Variants in FBXO11 observed in about 807,000 individuals in gnomAD.
The protein encoded by FBXO11 is F-box only protein 11.
FBXO11 carries 13 observed loss-of-function variants against 117.0 expected under a neutral mutation model. The observed-to-expected ratio is 0.11, with a 90% CI of 0.07 to 0.18. The LOEUF is 0.18. FBXO11 is among the 10% of genes least tolerant of loss of function. The probability of loss-of-function intolerance (pLI) is 1.00; values close to 1 mark genes in which losing one functional copy is unlikely to be tolerated. For missense variants in FBXO11, 767 were observed against 1,164.4 expected (o/e 0.66, Z 4.97); for synonymous variants, 490 against 380.5 (o/e 1.29, Z -3.35).
In FBXO11 at chr2:47,835,878, C is replaced by T. The variant is rs762417516; in HGVS notation, c.711G>A (p.Gln237=). 5 of 1,599,218 alleles carry T rather than the reference C, an allele frequency of 3.1e-6. No individual in the cohort carries two copies. The highest frequency in any genetic ancestry group is 2.2e-5 in the East Asian group (1 of 44,730). The change falls in exon 5 of 23, where the codon CAG becomes CAA. Residue 237 remains glutamine (Q), a synonymous_variant. Transcript: ENST00000403359. The part of the protein sequence containing the change: ...EHPNPWKESF[Q]QLYKGAHVKP... ...TTCTATTTATATTTCATACCAACTG[C>T]TGGAAACTCTCTTTCCAGGGATTTG...
intron 1 of FBXO11, among the ~76,000 whole-genome samples, chr2:47,841,020 A>C (rs888720064): frequency 2.0e-5 from 3 of 151,966 alleles, no homozygotes; most frequent in African/African-American, 7.3e-5. Context: ...AACACAGTGA[A>C]ACCCCATCTC....
chr2:47,833,555 A>G (rs896627017), intron 7 of FBXO11, among the ~76,000 whole-genome samples: 31 of 152,214 alleles, frequency 2.0e-4, no homozygotes, highest in Non-Finnish European at 1.0e-4. Flanking sequence ...TCACTAGCAA[A>G]TAATAATTAC....
intron 1 of FBXO11, among the ~76,000 whole-genome samples, chr2:47,862,762 A>G (rs1674874136): frequency 6.6e-6 from 1 of 152,186 alleles, no homozygotes; most frequent in African/African-American, 2.4e-5. Flanking sequence ...AGCAGCTTCA[A>G]AAACGTTTTC....
rs13018038 is a variant in FBXO11 at position 47,884,240 on chromosome 2, T to C, written c.232+21249A>G. On this transcript the variant is annotated intron_variant, in intron 1 of 22. Coordinates refer to ENST00000403359, the MANE Select transcript of FBXO11 (RefSeq NM_001190274.2). ...TCTCAAGAAATAAATAAATAAAAAT[T>C]ATTTAAAAATACAGAGAAAAGCTGG... 5.7e-3 allele frequency among the ~76,000 whole-genome samples: 873 copies of C among 152,152 alleles called. 4 individuals carry two copies. The highest frequency in any genetic ancestry group is 8.2e-3 in the Non-Finnish European group (558 of 67,976).
At chr2:47,817,285 C>G (rs1671071714) in intron 16 of FBXO11, among the ~76,000 whole-genome samples, 1 of 152,164 alleles carries the variant, frequency 6.6e-6, no homozygotes, top group African/African-American at 2.4e-5. Flanking sequence ...GAGTTGGGTC[C>G]TTGCTCTGGA....
intron 1 of FBXO11, among the ~76,000 whole-genome samples, chr2:47,847,616 G>A (rs1489639309): frequency 6.6e-6 from 1 of 151,994 alleles, no homozygotes; most frequent in African/African-American, 2.4e-5. Context: ...GGCTAAGGCA[G>A]GAGAACCGCT....
At chr2:47,885,795 T>C (rs190555819) in intron 1 of FBXO11, among the ~76,000 whole-genome samples, 2 of 152,310 alleles carry the variant, frequency 1.3e-5, no homozygotes, top group African/African-American at 4.8e-5. Context: ...AGTAAAATTC[T>C]GTCCTGATAA....
intron 1 of FBXO11, among the ~76,000 whole-genome samples, chr2:47,842,043 T>C (rs1460681425): frequency 6.9e-6 from 1 of 145,820 alleles, no homozygotes; most frequent in East Asian, 2.1e-4. Flanking sequence ...TGAGACAGAG[T>C]CTCGCCCTGT....
chr2:47,856,776 G>C (rs892067037), intron 1 of FBXO11, among the ~76,000 whole-genome samples: 3 of 152,086 alleles, frequency 2.0e-5, no homozygotes, highest in African/African-American at 7.2e-5. Flanking sequence ...CTAACAATAG[G>C]ATAATTATAT....
intron 11 of FBXO11, among the ~76,000 whole-genome samples, chr2:47,830,527 C>A (rs992019797): frequency 2.0e-5 from 3 of 151,962 alleles, no homozygotes; most frequent in African/African-American, 7.2e-5. Flanking sequence ...TGTAGGAATG[C>A]AAATATTTTA....
Position 47,820,440 on chromosome 2 carries a change from T to G in FBXO11, c.1719A>C (p.Gly573=). The stretch of plus-strand genomic sequence containing the variant: ...GACAACTGTTTGTCCTAATTTGAAT[T>G]CCTGCTAATGCATTGCCTATTTAAA... ...GNDIYGNALA[G]IQIRTNSCPI... Residue 573 remains glycine, a synonymous_variant, in exon 14 of 23, where the codon GGA becomes GGC. Coordinates refer to ENST00000403359, the MANE Select transcript of FBXO11 (RefSeq NM_001190274.2). 6.2e-7 allele frequency: 1 copy of G among 1,613,488 alleles called. No individual in the cohort carries two copies. Among genetic ancestry groups the G allele is most frequent in the Non-Finnish European group, 8.5e-7 (1 of 1,179,620 alleles).
At chr2:47,827,208 A>C (rs1572793923) in intron 11 of FBXO11, among the ~76,000 whole-genome samples, 1 of 152,360 alleles carries the variant, frequency 6.6e-6, no homozygotes, top group African/African-American at 2.4e-5. Context: ...TACTACCTTT[A>C]GAAATGACAA....
intron 1 of FBXO11, among the ~76,000 whole-genome samples, chr2:47,896,626 C>T (rs1256183361): frequency 1.3e-5 from 2 of 152,192 alleles, no homozygotes; most frequent in Non-Finnish European, 2.9e-5. Context: ...GCCACTATGC[C>T]CCGCCCAATT....
intron 1 of FBXO11, among the ~76,000 whole-genome samples, chr2:47,879,558 G>A (rs959479076): frequency 4.6e-5 from 7 of 152,224 alleles, no homozygotes; most frequent in Admixed American, 2.0e-4. Flanking sequence ...GTGAATTATC[G>A]ATTCATATCT....
At chr2:47,864,883 ACT>A (rs955303932) in intron 1 of FBXO11, among the ~76,000 whole-genome samples, 36 of 152,302 alleles carry the variant, frequency 2.4e-4, no homozygotes, top group African/African-American at 8.7e-4. Flanking sequence ...AGACAAGAAC[ACT>A]CTTTCCTCAT....
At chr2:47,853,747 A>G (rs1674062577) in intron 1 of FBXO11, among the ~76,000 whole-genome samples, 1 of 152,216 alleles carries the variant, frequency 6.6e-6, no homozygotes, top group African/African-American at 2.4e-5. Flanking sequence ...CCTGGCAGAG[A>G]TGACCTCTCA....
chr2:47,885,723 T>TC (rs1426432296), intron 1 of FBXO11, among the ~76,000 whole-genome samples: 47 of 151,978 alleles, frequency 3.1e-4, no homozygotes, highest in Non-Finnish European at 6.0e-4. Flanking sequence ...TAGTTCCTCT[T>TC]CCCCCCACCA....
chr2:47,824,800 T>C (rs183367485), intron 11 of FBXO11, among the ~76,000 whole-genome samples: 1 of 152,340 alleles, frequency 6.6e-6, no homozygotes, highest in Admixed American at 6.5e-5. Context: ...GGACATGTTT[T>C]ACTTTTATAA....
At chr2:47,875,333 C>T (rs1171687035) in intron 1 of FBXO11, among the ~76,000 whole-genome samples, 1 of 152,098 alleles carries the variant, frequency 6.6e-6, no homozygotes, top group South Asian at 2.1e-4. Flanking sequence ...GTCTAGAGTG[C>T]TATTTATCTT....
Sources: gnomAD v4.1 joint callset for allele counts (sites outside exome capture counted in the v4.1 genomes callset) on GRCh38, gnomAD v4.1.1 for gene constraint, MANE v1.5 for transcripts, NCBI Gene and HGNC (gene_info 2026-07-23, HGNC 2026-07-21) for gene names.